Variants in DCC observed in about 807,000 individuals in gnomAD.
DCC encodes the protein netrin receptor DCC.
A neutral mutation model predicts 172.5 loss-of-function variants in DCC; 58 were observed. That is an observed-to-expected ratio of 0.34 (90% CI 0.27 to 0.42). The LOEUF (loss-of-function observed/expected upper bound fraction) is 0.42. DCC is among the 10% of genes least tolerant of loss of function. The pLI, the probability that DCC is intolerant of heterozygous loss-of-function variation, is 1.00. For missense variants in DCC, 1,740 were observed against 1,791.0 expected (o/e 0.97, Z 0.51); for synonymous variants, 709 against 644.5 (o/e 1.10, Z -1.52).
At chr18:53,397,259 A>T in intron 17 of DCC, 49 bp from the exon 18 acceptor site, 1 of 1,558,458 alleles carries the variant, frequency 6.4e-7, no homozygotes, top group Non-Finnish European at 8.9e-7. Context: ...TGATTTACCA[A>T]GTTGATAGAG....
chr18:52,499,348 G>A (rs948919502), intron 1 of DCC, among the ~76,000 whole-genome samples: 1 of 152,148 alleles, frequency 6.6e-6, no homozygotes, highest in Non-Finnish European at 1.5e-5. Context: ...TGGGGGAAAT[G>A]TGGATGTGAA....
intron 13 of DCC, among the ~76,000 whole-genome samples, chr18:53,320,173 T>C (rs1307080893): frequency 6.7e-6 from 1 of 149,050 alleles, no homozygotes; most frequent in Non-Finnish European, 1.5e-5. Context: ...CCCGGGTCCA[T>C]GCCATTCTCC....
intron 1 of DCC, among the ~76,000 whole-genome samples, chr18:52,438,837 G>C (rs1272391453): frequency 6.6e-6 from 1 of 152,046 alleles, no homozygotes; most frequent in Non-Finnish European, 1.5e-5. Context: ...GCAATAAGAG[G>C]GCTATGGGGG....
chr18:53,527,090 CGTGTGT>C (rs200516080), intron 28 of DCC: 52,611 of 204,408 alleles, frequency 0.26, 7,684 homozygotes, highest in African/African-American at 0.28. Flanking sequence ...CACATGGATA[CGTGTGT>C]GTGTGTGTGT....
intron 12 of DCC, among the ~76,000 whole-genome samples, chr18:53,259,842 G>C (rs1292602400): frequency 1.3e-5 from 2 of 152,068 alleles, no homozygotes; most frequent in African/African-American, 4.8e-5. Flanking sequence ...TCACTTTCAG[G>C]TACACCAATC....
chr18:53,389,738 C>G (rs535155819), intron 16 of DCC, among the ~76,000 whole-genome samples: 9 of 152,226 alleles, frequency 5.9e-5, no homozygotes, highest in African/African-American at 2.2e-4. Flanking sequence ...TTCAGAGAAG[C>G]ATTCTGGAAC....
chr18:53,164,736 G>T (rs1217409208), intron 8 of DCC, among the ~76,000 whole-genome samples: 1 of 152,202 alleles, frequency 6.6e-6, no homozygotes, highest in Non-Finnish European at 1.5e-5. Context: ...CTAATGCCAT[G>T]TGCAAATCAT....
intron 2 of DCC, among the ~76,000 whole-genome samples, chr18:52,782,434 C>A (rs2037563223): frequency 6.6e-6 from 1 of 151,562 alleles, no homozygotes; most frequent in Non-Finnish European, 1.5e-5. Flanking sequence ...TTTTATTTCC[C>A]CCATCCTCTC....
At chr18:52,881,883 C>T (rs548322100) in intron 2 of DCC, among the ~76,000 whole-genome samples, 1 of 152,118 alleles carries the variant, frequency 6.6e-6, no homozygotes, top group East Asian at 1.9e-4. Flanking sequence ...CTTTAGATTG[C>T]TTTGAGTAGT....
At chr18:53,267,593 G>T (rs575039715) in intron 12 of DCC, among the ~76,000 whole-genome samples, 2 of 152,196 alleles carry the variant, frequency 1.3e-5, no homozygotes, top group East Asian at 3.9e-4. Flanking sequence ...GATCCTCCTA[G>T]AACCACAGGC....
intron 1 of DCC, among the ~76,000 whole-genome samples, chr18:52,642,010 G>GTGTGTT: frequency 2.9e-5 from 1 of 34,418 alleles, no homozygotes; most frequent in African/African-American, 8.2e-5. Context: ...TGTGGTGTGT[G>GTGTGTT]TGTGTATATA....
intron 2 of DCC, among the ~76,000 whole-genome samples, chr18:52,816,447 C>T (rs115633214): frequency 0.01 from 1,527 of 152,198 alleles, 24 homozygotes; most frequent in African/African-American, 0.036. Flanking sequence ...TTCAAGGTGG[C>T]GGAGCACTGA....
At chr18:53,509,057 G>T (rs1598825412) in intron 27 of DCC, among the ~76,000 whole-genome samples, 1 of 152,222 alleles carries the variant, frequency 6.6e-6, no homozygotes, top group East Asian at 1.9e-4. Flanking sequence ...TCCTCACAAT[G>T]GACCAATTTA....
rs577119265 is a variant in DCC, at chr18:53,090,521, G to A, written c.1261+24355G>A. Reference sequence around the variant, plus strand: ...ATCCTGGCTAACAAGGTGAAATTCCGTCTCTACTAACGATACAAAAAAATT... The same window carrying A: ...ATCCTGGCTAACAAGGTGAAATTCCATCTCTACTAACGATACAAAAAAATT... On this transcript the variant is annotated intron_variant, in intron 7 of 28. Transcript: ENST00000442544. Among the ~76,000 whole-genome samples the A allele has an allele frequency of 4.3e-4, 65 of 150,872 alleles. 1 individual carries two copies. In the South Asian group the frequency reaches 0.011, roughly 26 times the overall value.
chr18:52,675,349 C>G (rs552785432), intron 1 of DCC, among the ~76,000 whole-genome samples: 64 of 152,268 alleles, frequency 4.2e-4, no homozygotes, highest in African/African-American at 1.3e-3. Flanking sequence ...GCCACCATGC[C>G]CGGCCTAATC....
chr18:52,365,479 A>G (rs1290039257), intron 1 of DCC, among the ~76,000 whole-genome samples: 1 of 152,164 alleles, frequency 6.6e-6, no homozygotes, highest in African/African-American at 2.4e-5. Context: ...CTATCTTAAC[A>G]TATAGAACAA....
chr18:52,666,739 G>A (rs1348116036), intron 1 of DCC, among the ~76,000 whole-genome samples: 1 of 152,146 alleles, frequency 6.6e-6, no homozygotes, highest in Non-Finnish European at 1.5e-5. Flanking sequence ...TTGTTAGTAT[G>A]TCACCAGCCA....
At position 53,372,472 on chromosome 18, in the gene DCC, G is replaced by C. The variant is rs989719788; in HGVS notation, c.2360-13571G>C. Among the ~76,000 whole-genome samples, 7 of 151,944 alleles carry C rather than the reference G, an allele frequency of 4.6e-5. No individual in the cohort carries two copies. In the East Asian group the frequency reaches 9.6e-4, roughly 21 times the overall value. ...AGGCCTACTTGAGGGTAAAGGGTAG[G>C]GGGAGGGAGAAGATTAGAAAAAATA... On this transcript the variant is annotated intron_variant, in intron 15 of 28. Transcript: ENST00000442544.
chr18:52,801,790 C>G (rs1374770548), intron 2 of DCC, among the ~76,000 whole-genome samples: 1 of 152,170 alleles, frequency 6.6e-6, no homozygotes, highest in Non-Finnish European at 1.5e-5. Context: ...AGGCTTTAAA[C>G]TAGATTCCAA....
Sources: gnomAD v4.1 joint callset for allele counts (sites outside exome capture counted in the v4.1 genomes callset) on GRCh38, gnomAD v4.1.1 for gene constraint, MANE v1.5 for transcripts, NCBI Gene and HGNC (gene_info 2026-07-23, HGNC 2026-07-21) for gene names.